ATF7IP2: variants seen among roughly 807,000 people sequenced by gnomAD.
ATF7IP2 encodes the protein activating transcription factor 7 interacting protein 2.
Under a neutral mutation model 64.2 loss-of-function variants are expected in ATF7IP2, and 42 were observed. That is an observed-to-expected ratio of 0.65 (90% CI 0.51 to 0.85). The LOEUF (loss-of-function observed/expected upper bound fraction) is 0.85. Among genes scored for constraint, ATF7IP2 ranks in the 40% least tolerant of loss-of-function variants. The probability of loss-of-function intolerance (pLI) is 0.00; values close to 1 mark genes in which losing one functional copy is unlikely to be tolerated. For missense variants in ATF7IP2, 933 were observed against 784.2 expected (o/e 1.19, Z -2.27); for synonymous variants, 308 against 272.8 (o/e 1.13, Z -1.27).
Position 10,465,292 on chromosome 16 carries a change from A to G in ATF7IP2, c.1353-6818A>G, listed in dbSNP as rs538866358. ...TTCTGTCTCCAGAAACTATGCTCTT[A>G]CCTACTACATAATAACAATGCCTAG... On this transcript the variant is annotated intron_variant, in intron 9 of 13. Coordinates refer to ENST00000562102, the MANE Select transcript of ATF7IP2 (RefSeq NM_001393719.1). 2.0e-5 allele frequency among the ~76,000 whole-genome samples: 3 copies of G among 152,328 alleles called. No individual in the cohort carries two copies. In the East Asian group the frequency reaches 5.8e-4, roughly 29 times the overall value.
intron 9 of ATF7IP2, among the ~76,000 whole-genome samples, chr16:10,462,331 TG>T (rs1360249753): frequency 6.6e-6 from 1 of 151,922 alleles, no homozygotes; most frequent in Non-Finnish European, 1.5e-5. Context: ...TCTTTCCATC[TG>T]GGCTCATTTT....
chr16:10,460,068 G>C (rs1333605719), intron 9 of ATF7IP2, among the ~76,000 whole-genome samples: 1 of 152,096 alleles, frequency 6.6e-6, no homozygotes, highest in Admixed American at 6.6e-5. Context: ...AAATTAATAA[G>C]AGTAAAACAA....
At chr16:10,471,442 C>G (rs763114347) in intron 9 of ATF7IP2, among the ~76,000 whole-genome samples, 1 of 152,030 alleles carries the variant, frequency 6.6e-6, no homozygotes, top group Non-Finnish European at 1.5e-5. Flanking sequence ...GCAGGAGAAT[C>G]GCTTGAACCT....
intron 11 of ATF7IP2, 84 bp downstream of exon 11, chr16:10,473,618 A>T (rs2049888927): frequency 9.8e-7 from 1 of 1,020,550 alleles, no homozygotes; most frequent in Non-Finnish European, 1.5e-6. Flanking sequence ...ATGTTGGATG[A>T]TTTAGTTTTA....
At chr16:10,438,967 T>C (rs1177455401) in intron 7 of ATF7IP2, among the ~76,000 whole-genome samples, 1 of 149,972 alleles carries the variant, frequency 6.7e-6, no homozygotes, top group Non-Finnish European at 1.5e-5. Flanking sequence ...GCAGGAGAAT[T>C]GCTTGAACCA....
chr16:10,394,523 T>G (rs2047386923), intron 1 of ATF7IP2, among the ~76,000 whole-genome samples: 1 of 152,152 alleles, frequency 6.6e-6, no homozygotes, highest in Non-Finnish European at 1.5e-5. Flanking sequence ...CTAAACCAAC[T>G]AGACTTAAGA....
intron 7 of ATF7IP2, among the ~76,000 whole-genome samples, chr16:10,439,156 C>G (rs73497849): frequency 6.6e-6 from 1 of 151,150 alleles, no homozygotes. Context: ...TTTTCCTCTT[C>G]TAGTATTACT....
In ATF7IP2 at chr16:10,393,139, C is replaced by A. The variant is rs545880502; in HGVS notation, c.-242+7017C>A. Among the ~76,000 whole-genome samples, 4 of 151,800 alleles carry A rather than the reference C, an allele frequency of 2.6e-5. No individual in the cohort carries two copies. In the East Asian group the frequency reaches 7.8e-4, roughly 29 times the overall value. On this transcript the variant is annotated intron_variant, in intron 1 of 13. Coordinates refer to ENST00000562102, the MANE Select transcript of ATF7IP2 (RefSeq NM_001393719.1). ...AGCCTGGCCAACATGGTGAAACCCC[C>A]TCTCTACTAAAAATACAAGCATTAG...
intron 12 of ATF7IP2, among the ~76,000 whole-genome samples, chr16:10,476,584 T>C (rs1596636008): frequency 6.6e-6 from 1 of 152,264 alleles, no homozygotes; most frequent in East Asian, 1.9e-4. Flanking sequence ...GGTGGTTTGC[T>C]GCACCTATCA....
chr16:10,458,475 A>C (rs774367666), intron 9 of ATF7IP2, among the ~76,000 whole-genome samples: 1 of 152,252 alleles, frequency 6.6e-6, no homozygotes. Context: ...TTTTATATGA[A>C]CAAATCTATC....
chr16:10,458,591 G>A (rs1324898823), intron 9 of ATF7IP2, among the ~76,000 whole-genome samples: 1 of 152,180 alleles, frequency 6.6e-6, no homozygotes, highest in Non-Finnish European at 1.5e-5. Context: ...TGTGTAACTT[G>A]ATTCTGATGG....
intron 5 of ATF7IP2, among the ~76,000 whole-genome samples, chr16:10,432,895 A>C (rs1269730789): frequency 6.6e-6 from 1 of 152,102 alleles, no homozygotes; most frequent in Non-Finnish European, 1.5e-5. Context: ...AAAAAAGAGT[A>C]CCTTTATATA....
At chr16:10,446,866 T>C (rs2048823779) in intron 8 of ATF7IP2, 1 of 152,176 alleles carries the variant, frequency 6.6e-6, no homozygotes, top group Non-Finnish European at 1.5e-5. Context: ...TATTGGAAGT[T>C]TGTGTGAGGC....
intron 9 of ATF7IP2, among the ~76,000 whole-genome samples, chr16:10,462,299 C>A (rs977058906): frequency 2.0e-5 from 3 of 151,918 alleles, no homozygotes; most frequent in Non-Finnish European, 4.4e-5. Flanking sequence ...TTTTCTCTTG[C>A]TCATTTCTTC....
At chr16:10,443,309 T>C (rs1486901981) in intron 8 of ATF7IP2, among the ~76,000 whole-genome samples, 2 of 152,140 alleles carry the variant, frequency 1.3e-5, no homozygotes, top group Admixed American at 6.5e-5. Flanking sequence ...GGAAGCTGGG[T>C]GGCCCTCAGG....
At chr16:10,445,414 C>T (rs552469441) in intron 8 of ATF7IP2, 1 of 152,312 alleles carries the variant, frequency 6.6e-6, no homozygotes, top group East Asian at 1.9e-4. Flanking sequence ...ATTTGATCTG[C>T]AAGGTTATTT....
In ATF7IP2 at chr16:10,481,912, G is replaced by A; in HGVS notation, c.1712G>A (p.Arg571Gln). ...APLPELVDKTRDTLPPQKPEL... is the reference protein window; with the variant it reads ...APLPELVDKTQDTLPPQKPEL... ...CTACCTGAATTAGTAGACAAAACCCGAGACACACTTCCTCCCCAGAAGCCT... is the reference window on the plus strand; with the variant it reads ...CTACCTGAATTAGTAGACAAAACCCAAGACACACTTCCTCCCCAGAAGCCT... The change falls in exon 14 of 14, where the codon CGA (arginine) becomes CAA (glutamine). Residue 571 changes from arginine (R) to glutamine (Q), a missense_variant. Physicochemically the swap from Arg to Gln is conservative, Grantham distance 43. Coordinates refer to ENST00000562102, the MANE Select transcript of ATF7IP2 (RefSeq NM_001393719.1). 6.2e-7 allele frequency: 1 copy of A among 1,613,886 alleles called. No individual in the cohort carries two copies. Among genetic ancestry groups the A allele is most frequent in the Non-Finnish European group, 8.5e-7 (1 of 1,179,958 alleles).
At chr16:10,394,885 A>G (rs541424278) in intron 1 of ATF7IP2, among the ~76,000 whole-genome samples, 1 of 152,260 alleles carries the variant, frequency 6.6e-6, no homozygotes, top group Admixed American at 6.5e-5. Context: ...GATAAATGCT[A>G]TATTAAAAAA....
chr16:10,403,376 T>G (rs2047573010), intron 1 of ATF7IP2, among the ~76,000 whole-genome samples: 1 of 152,104 alleles, frequency 6.6e-6, no homozygotes, highest in African/African-American at 2.4e-5. Flanking sequence ...ACCACCACAC[T>G]AAGGCTTTTT....
Sources: allele counts gnomAD v4.1 joint callset (sites outside exome capture counted in the v4.1 genomes callset), GRCh38; gene constraint gnomAD v4.1.1; transcripts MANE v1.5; gene names NCBI Gene and HGNC (gene_info 2026-07-23, HGNC 2026-07-21).